FHOD3: variants seen among roughly 807,000 people sequenced by gnomAD.
The protein encoded by FHOD3 is FH1/FH2 domain-containing protein 3.
Under a neutral mutation model 173.0 loss-of-function variants are expected in FHOD3, and 90 were observed. That is an observed-to-expected ratio of 0.52 (90% CI 0.44 to 0.62). The LOEUF is 0.62. Ranked by LOEUF, FHOD3 falls within the 20% of genes least tolerant of loss-of-function variation. The pLI, the probability that FHOD3 is intolerant of heterozygous loss-of-function variation, is 0.00. For missense variants in FHOD3, 1,945 were observed against 2,034.7 expected, an observed-to-expected ratio of 0.96 and a Z score of 0.85; for synonymous variants, 828 against 823.0, an observed-to-expected ratio of 1.01 and a Z score of -0.10.
chr18:36,331,167 T>A (rs1212865442), intron 1 of FHOD3, among the ~76,000 whole-genome samples: 1 of 152,200 alleles, frequency 6.6e-6, no homozygotes, highest in Non-Finnish European at 1.5e-5. Flanking sequence ...ACAAATAATT[T>A]TCTCTGCTGA....
intron 3 of FHOD3, among the ~76,000 whole-genome samples, chr18:36,423,571 C>T (rs1358319165): frequency 6.6e-6 from 1 of 152,106 alleles, no homozygotes; most frequent in Admixed American, 6.5e-5. Context: ...AGCCACCTTG[C>T]CTTATTATAG....
intron 1 of FHOD3, among the ~76,000 whole-genome samples, chr18:36,336,006 C>T (rs968135289): frequency 6.6e-6 from 1 of 152,172 alleles, no homozygotes; most frequent in African/African-American, 2.4e-5. Context: ...TTAGGACATA[C>T]AACGTGTTCT....
intron 15 of FHOD3, among the ~76,000 whole-genome samples, chr18:36,685,102 CCCATGTGTT>C (rs1361363219): frequency 6.6e-6 from 1 of 152,142 alleles, no homozygotes; most frequent in African/African-American, 2.4e-5. Flanking sequence ...ATTGCACCTG[CCCATGTGTT>C]ATAATATACA....
intron 1 of FHOD3, among the ~76,000 whole-genome samples, chr18:36,350,069 T>C (rs2046049883): frequency 6.6e-6 from 1 of 152,216 alleles, no homozygotes; most frequent in African/African-American, 2.4e-5. Context: ...TGAGGCATCA[T>C]GCCTGGCTTG....
chr18:36,680,607 G>T (rs777041042), intron 14 of FHOD3, among the ~76,000 whole-genome samples: 1 of 152,164 alleles, frequency 6.6e-6, no homozygotes, highest in Non-Finnish European at 1.5e-5. Flanking sequence ...AACATCTCCT[G>T]TGATACTCAC....
chr18:36,702,845 C>T (rs541356318), intron 17 of FHOD3, among the ~76,000 whole-genome samples: 15 of 148,960 alleles, frequency 1.0e-4, no homozygotes, highest in East Asian at 5.9e-4. Flanking sequence ...TGTGCGTACA[C>T]GCTTAATTCC....
In FHOD3 at chr18:36,719,899, C is replaced by T. The variant is rs186847126; in HGVS notation, c.3417+1184C>T. The stretch of plus-strand genomic sequence containing the variant: ...CTTCCTTTCAAAATGTGCTGGGATT[C>T]TTAAGCTGCTTGCTGCCCTTCACTG... On this transcript the variant is annotated intron_variant, in intron 19 of 28. Transcript: ENST00000590592. Among the ~76,000 whole-genome samples, 28 of 152,308 alleles carry T rather than the reference C, an allele frequency of 1.8e-4. No individual in the cohort carries two copies. The East Asian group carries it at 5.2e-3, about 28-fold the overall frequency.
At chr18:36,514,374 G>A (rs545757400) in intron 5 of FHOD3, among the ~76,000 whole-genome samples, 2 of 152,214 alleles carry the variant, frequency 1.3e-5, no homozygotes, top group South Asian at 4.2e-4. Context: ...AATCGCAGCC[G>A]TCTGTGTGTC....
chr18:36,552,349 A>C (rs1008050088), intron 5 of FHOD3, among the ~76,000 whole-genome samples: 2 of 152,126 alleles, frequency 1.3e-5, no homozygotes, highest in African/African-American at 4.8e-5. Context: ...TTGATTTTGT[A>C]TCCTGAGACT....
intron 3 of FHOD3, among the ~76,000 whole-genome samples, chr18:36,378,031 T>G (rs1311087074): frequency 1.3e-5 from 2 of 152,316 alleles, no homozygotes; most frequent in Non-Finnish European, 2.9e-5. Flanking sequence ...CTTGCTGTGC[T>G]CCTCCCTGGT....
intron 24 of FHOD3, 64 bp from the exon 25 acceptor site, chr18:36,755,055 T>C: frequency 9.9e-6 from 10 of 1,014,116 alleles, no homozygotes; most frequent in Non-Finnish European, 1.2e-5. Context: ...ACTGAGAGAT[T>C]TTAGACAAGT....
intron 18 of FHOD3, among the ~76,000 whole-genome samples, chr18:36,716,991 G>A (rs1389884477): frequency 6.6e-6 from 1 of 151,278 alleles, no homozygotes; most frequent in Admixed American, 6.6e-5. Context: ...CTAGTGGGAA[G>A]GCCATGGGAA....
At chr18:36,475,220 C>A (rs1376718350) in intron 3 of FHOD3, among the ~76,000 whole-genome samples, 1 of 152,140 alleles carries the variant, frequency 6.6e-6, no homozygotes, top group African/African-American at 2.4e-5. Context: ...CCAGATGTGG[C>A]TTTTCCCCTT....
chr18:36,298,055 C>G, intron 1 of FHOD3, 55 bp downstream of exon 1: 1 of 1,395,272 alleles, frequency 7.2e-7, no homozygotes, highest in South Asian at 1.6e-5. Flanking sequence ...TGCCGCGGTG[C>G]GCGCCGGGGT....
At chr18:36,420,196 G>T (rs77412081) in intron 3 of FHOD3, among the ~76,000 whole-genome samples, 6 of 152,152 alleles carry the variant, frequency 3.9e-5, no homozygotes, top group Non-Finnish European at 8.8e-5. Context: ...CTGTGACAGC[G>T]CCAGGCACAT....
At chr18:36,675,655 A>T (rs1307861889) in intron 14 of FHOD3, among the ~76,000 whole-genome samples, 2 of 152,174 alleles carry the variant, frequency 1.3e-5, no homozygotes, top group Non-Finnish European at 2.9e-5. Flanking sequence ...ACTCCTCTGT[A>T]GGTCCTTATC....
At chr18:36,567,480 T>A (rs1234094349) in intron 5 of FHOD3, among the ~76,000 whole-genome samples, 1 of 152,018 alleles carries the variant, frequency 6.6e-6, no homozygotes, top group Non-Finnish European at 1.5e-5. Flanking sequence ...TAAGATGGAG[T>A]AAGTACACAG....
chr18:36,503,631 A>T (rs931391606), intron 4 of FHOD3, among the ~76,000 whole-genome samples: 2 of 152,150 alleles, frequency 1.3e-5, no homozygotes, highest in South Asian at 4.1e-4. Flanking sequence ...TGGGGTTTAG[A>T]GGTCTGCCTT....
At chr18:36,523,098 C>T (rs577761884) in intron 5 of FHOD3, among the ~76,000 whole-genome samples, 3 of 152,046 alleles carry the variant, frequency 2.0e-5, no homozygotes, top group African/African-American at 7.2e-5. Context: ...ACACTGGAGT[C>T]GTGTCTGCCA....
Sources: allele counts gnomAD v4.1 joint callset (sites outside exome capture counted in the v4.1 genomes callset), GRCh38; gene constraint gnomAD v4.1.1; transcripts MANE v1.5; gene names NCBI Gene and HGNC (gene_info 2026-07-23, HGNC 2026-07-21).